RBPMS: variants seen among roughly 807,000 people sequenced by gnomAD.
RBPMS encodes the protein RNA binding protein, mRNA processing factor.
A neutral mutation model predicts 26.8 loss-of-function variants in RBPMS; 7 were observed. The ratio of observed to expected loss-of-function variants is 0.26; its 90% CI spans 0.15 to 0.49. The LOEUF (loss-of-function observed/expected upper bound fraction) is 0.49. Ranked by LOEUF, RBPMS falls within the 20% of genes least tolerant of loss-of-function variation. The pLI is 0.98. For synonymous variants in RBPMS, 96 were observed against 93.3 expected (o/e 1.03, Z -0.17); for missense variants, 186 against 250.0 (o/e 0.74, Z 1.73).
intron 4 of RBPMS, among the ~76,000 whole-genome samples, chr8:30,493,082 G>C (rs777434825): frequency 1.3e-5 from 2 of 152,110 alleles, no homozygotes; most frequent in Non-Finnish European, 2.9e-5. Context: ...CAGTGAAGTT[G>C]GCCATTAAAA....
chr8:30,474,875 C>G lies in RBPMS; in HGVS notation c.144+19C>G. On this transcript the variant is annotated intron_variant, in intron 2 of 8. Coordinates refer to ENST00000397323, the MANE Select transcript of RBPMS (RefSeq NM_001008710.3). The stretch of plus-strand genomic sequence containing the variant: ...ATTTAAGGTACCTTTTTTTATCTTT[C>G]AGAAATTATAAAATGAGACAAAAGT... 1 of 1,511,050 alleles carries G rather than the reference C, an allele frequency of 6.6e-7. No homozygotes were observed. Among genetic ancestry groups the G allele is most frequent in the Non-Finnish European group, 9.2e-7 (1 of 1,090,246 alleles). The allele number at this position is 1,511,050 out of a possible 1,614,324, so 93.6% of individuals were successfully genotyped here.
At position 30,439,762 on chromosome 8, in the gene RBPMS, C is replaced by A. The variant is rs541245506; in HGVS notation, c.67-35017C>A. 4.1e-3 allele frequency among the ~76,000 whole-genome samples: 630 copies of A among 152,250 alleles called. 3 individuals carry two copies. Among genetic ancestry groups the A allele is most frequent in the African/African-American group, 0.014 (588 of 41,534 alleles). ...CCTTGACCTGGCTCAGGCAGTCCTC[C>A]TACCTCAGCTTCCTGAGTAGGTATG... On this transcript the variant is annotated intron_variant, in intron 1 of 8. Transcript: ENST00000397323.
intron 6 of RBPMS, among the ~76,000 whole-genome samples, chr8:30,557,015 G>C (rs1041416939): frequency 6.6e-6 from 1 of 152,272 alleles, no homozygotes. Context: ...AATGAGTGTT[G>C]GGAGTGACCC....
chr8:30,409,899 G>A (rs907997753), intron 1 of RBPMS, among the ~76,000 whole-genome samples: 3 of 152,068 alleles, frequency 2.0e-5, no homozygotes, highest in African/African-American at 7.2e-5. Context: ...CCAAAGTGCT[G>A]GGATTATAGG....
At chr8:30,500,004 T>C (rs1197491966) in intron 4 of RBPMS, among the ~76,000 whole-genome samples, 1 of 152,190 alleles carries the variant, frequency 6.6e-6, no homozygotes, top group Non-Finnish European at 1.5e-5. Flanking sequence ...TGAAATTATT[T>C]CAGAATAAAG....
intron 1 of RBPMS, among the ~76,000 whole-genome samples, chr8:30,447,710 T>C (rs1451405003): frequency 1.3e-5 from 2 of 152,218 alleles, no homozygotes; most frequent in African/African-American, 4.8e-5. Context: ...TCAACTTTCA[T>C]TGAAATAAAT....
chr8:30,430,348 AGT>A (rs1257802667), intron 1 of RBPMS, among the ~76,000 whole-genome samples: 1 of 152,226 alleles, frequency 6.6e-6, no homozygotes, highest in East Asian at 1.9e-4. Flanking sequence ...AGGAGTAACA[AGT>A]TGTACGTCTT....
At chr8:30,550,873 G>A (rs1042875021) in intron 6 of RBPMS, among the ~76,000 whole-genome samples, 3 of 152,190 alleles carry the variant, frequency 2.0e-5, no homozygotes, top group African/African-American at 7.2e-5. Context: ...TTGCCCTCAC[G>A]AGTTACTTTA....
intron 5 of RBPMS, among the ~76,000 whole-genome samples, chr8:30,522,821 G>A (rs1166251890): frequency 6.6e-6 from 1 of 152,114 alleles, no homozygotes; most frequent in Admixed American, 6.5e-5. Flanking sequence ...CATTTTAGTA[G>A]TTTATTAATA....
At chr8:30,477,887 G>T (rs1483305746) in intron 3 of RBPMS, 50 bp downstream of exon 3, 1 of 1,221,950 alleles carries the variant, frequency 8.2e-7, no homozygotes, top group Admixed American at 1.8e-5. Flanking sequence ...CTTTCCTCAG[G>T]AATATTGCTG....
chr8:30,478,358 A>G (rs954713228), intron 3 of RBPMS, among the ~76,000 whole-genome samples: 1 of 152,110 alleles, frequency 6.6e-6, no homozygotes, highest in African/African-American at 2.4e-5. Context: ...AACACTTGGC[A>G]TACACACCTC....
At position 30,493,732 on chromosome 8, in the gene RBPMS, A is replaced by G. The variant is rs541343241; in HGVS notation, c.247-10554A>G. On this transcript the variant is annotated intron_variant, in intron 4 of 8. Coordinates refer to ENST00000397323, the MANE Select transcript of RBPMS (RefSeq NM_001008710.3). ...TCATTGTCAGGGCCCAGGTCTTTCAATCATCCTTTTCAGAATGGTTTGAGA... is the reference window on the plus strand; with the variant it reads ...TCATTGTCAGGGCCCAGGTCTTTCAGTCATCCTTTTCAGAATGGTTTGAGA... 1.3e-3 allele frequency among the ~76,000 whole-genome samples: 204 copies of G among 152,226 alleles called. 2 individuals are homozygous for G. The highest frequency in any genetic ancestry group is 0.012 in the South Asian group (58 of 4,818).
At chr8:30,426,235 C>T (rs940951802) in intron 1 of RBPMS, among the ~76,000 whole-genome samples, 22 of 152,254 alleles carry the variant, frequency 1.4e-4, no homozygotes, top group Middle Eastern at 6.8e-3. Context: ...CTTCAGATTC[C>T]GTGGTGATTA....
chr8:30,551,288 GCTA>G (rs1417979185), intron 6 of RBPMS, among the ~76,000 whole-genome samples: 2 of 152,222 alleles, frequency 1.3e-5, no homozygotes, highest in Admixed American at 1.3e-4. Flanking sequence ...AACTGCTGCT[GCTA>G]CTGAGGCCCA....
intron 5 of RBPMS, among the ~76,000 whole-genome samples, chr8:30,541,447 A>G (rs1825383575): frequency 6.6e-6 from 1 of 152,206 alleles, no homozygotes. Context: ...CAACAACATT[A>G]TCCTCAGAAG....
chr8:30,422,484 G>A (rs181603124), intron 1 of RBPMS, among the ~76,000 whole-genome samples: 87 of 152,088 alleles, frequency 5.7e-4, no homozygotes, highest in Middle Eastern at 3.4e-3. Flanking sequence ...ACCCAGGCTC[G>A]TCTCGAACTC....
chr8:30,530,176 G>C (rs981956395), intron 5 of RBPMS, among the ~76,000 whole-genome samples: 2 of 152,188 alleles, frequency 1.3e-5, no homozygotes, highest in African/African-American at 4.8e-5. Flanking sequence ...ATTGTACAGA[G>C]CCCAAGTTTT....
intron 4 of RBPMS, among the ~76,000 whole-genome samples, chr8:30,488,604 C>A (rs1819045728): frequency 6.6e-6 from 1 of 152,116 alleles, no homozygotes; most frequent in Admixed American, 6.6e-5. Context: ...GTAACTCTAG[C>A]AGGAAAATGT....
At chr8:30,540,093 C>T (rs1396782229) in intron 5 of RBPMS, among the ~76,000 whole-genome samples, 1 of 152,080 alleles carries the variant, frequency 6.6e-6, no homozygotes, top group African/African-American at 2.4e-5. Flanking sequence ...GAGACCAGGC[C>T]CCTCCCTGCC....
Sources: allele counts gnomAD v4.1 joint callset (sites outside exome capture counted in the v4.1 genomes callset), GRCh38; gene constraint gnomAD v4.1.1; transcripts MANE v1.5; gene names NCBI Gene and HGNC (gene_info 2026-07-23, HGNC 2026-07-21).